Variants in HELZ observed in about 807,000 individuals in gnomAD.
HELZ encodes helicase with zinc finger.
Under a neutral mutation model 218.2 loss-of-function variants are expected in HELZ, and 23 were observed. The observed-to-expected ratio is 0.11, with a 90% CI of 0.08 to 0.15. The LOEUF is 0.15. HELZ is among the 10% of genes least tolerant of loss of function. The pLI is 1.00. For synonymous variants in HELZ, 814 were observed against 829.4 expected (o/e 0.98, Z 0.32); for missense variants, 1,813 against 2,353.7 (o/e 0.77, Z 4.75).
rs1484070384 is a variant in HELZ, at chr17:67,204,649, G to A, written c.248-1206C>T. Among the ~76,000 whole-genome samples the A allele has an allele frequency of 2.0e-5, 3 of 151,796 alleles. No homozygotes were observed. The East Asian group carries it at 5.8e-4, about 29-fold the overall frequency. On this transcript the variant is annotated intron_variant, in intron 5 of 32. Coordinates refer to ENST00000358691, the MANE Select transcript of HELZ (RefSeq NM_014877.4). ...AAAATCTTTACATATACCTTTTATT[G>A]AATTTACTAAATTGAAAGTTGCAGT...
At chr17:67,136,725 T>A (rs932908990) in intron 22 of HELZ, among the ~76,000 whole-genome samples, 1 of 152,158 alleles carries the variant, frequency 6.6e-6, no homozygotes, top group Non-Finnish European at 1.5e-5. Flanking sequence ...ATTCCATTTA[T>A]ATGAGGTAGC....
intron 3 of HELZ, among the ~76,000 whole-genome samples, chr17:67,239,186 G>A (rs552978006): frequency 1.3e-5 from 2 of 152,312 alleles, no homozygotes; most frequent in South Asian, 4.1e-4. Context: ...TTACTCATCT[G>A]AACAGAAGTG....
chr17:67,162,646 C>A (rs2039024083), intron 15 of HELZ, among the ~76,000 whole-genome samples: 1 of 152,062 alleles, frequency 6.6e-6, no homozygotes, highest in Non-Finnish European at 1.5e-5. Context: ...TTGCTACAGA[C>A]CCAATTCTGA....
Position 67,138,041 on chromosome 17 carries a change from CCAT to C in HELZ, c.2840_2842del (p.Asp947del). 6.2e-7 allele frequency: 1 copy of C among 1,613,800 alleles called. No individual in the cohort carries two copies. The highest frequency in any genetic ancestry group is 8.5e-7 in the Non-Finnish European group (1 of 1,179,822). Reference sequence around the variant, plus strand: ...ATATGGAGTCACCACACCAATACTGCCATCATCTAACTTCCCCCACGCTACTGG... The same window carrying C: ...ATATGGAGTCACCACACCAATACTGCCATCTAACTTCCCCCACGCTACTGG... On this transcript the variant is annotated inframe_deletion, in exon 22 of 33. Coordinates refer to ENST00000358691, the MANE Select transcript of HELZ (RefSeq NM_014877.4).
intron 27 of HELZ, among the ~76,000 whole-genome samples, chr17:67,115,110 T>C (rs572535921): frequency 6.6e-6 from 1 of 152,244 alleles, no homozygotes; most frequent in South Asian, 2.1e-4. Context: ...TGAATTATCA[T>C]GCCAGAATTA....
intron 13 of HELZ, among the ~76,000 whole-genome samples, chr17:67,178,376 C>T (rs1474608340): frequency 6.6e-6 from 1 of 152,124 alleles, no homozygotes; most frequent in African/African-American, 2.4e-5. Flanking sequence ...AGAGCAGGAA[C>T]CACGGATTTA....
At chr17:67,238,451 G>A (rs913090468) in intron 3 of HELZ, among the ~76,000 whole-genome samples, 3 of 151,778 alleles carry the variant, frequency 2.0e-5, no homozygotes, top group Admixed American at 6.6e-5. Flanking sequence ...GGAGGCCGAA[G>A]CGAGTGGATC....
chr17:67,170,496 A>G (rs543203812), intron 13 of HELZ, among the ~76,000 whole-genome samples: 1 of 152,278 alleles, frequency 6.6e-6, no homozygotes, highest in South Asian at 2.1e-4. Context: ...CCTGGGCAAC[A>G]GAGCGAGATT....
At chr17:67,164,769 G>A (rs779254538) in intron 15 of HELZ, among the ~76,000 whole-genome samples, 4 of 152,140 alleles carry the variant, frequency 2.6e-5, no homozygotes, top group Non-Finnish European at 5.9e-5. Flanking sequence ...AAATCTGAAA[G>A]GATACTGCTG....
chr17:67,088,706 ATCTGTT>A (rs1407689765), intron 31 of HELZ, among the ~76,000 whole-genome samples: 2 of 152,232 alleles, frequency 1.3e-5, no homozygotes, highest in African/African-American at 4.8e-5. Context: ...AATTTTATAG[ATCTGTT>A]TCTAAGCACA....
chr17:67,119,760 A>G, intron 27 of HELZ, among the ~76,000 whole-genome samples: 1 of 152,114 alleles, frequency 6.6e-6, no homozygotes, highest in East Asian at 1.9e-4. Flanking sequence ...GAGTTAACAA[A>G]AATGTTTAAC....
In HELZ at chr17:67,208,717, G is replaced by T. The variant is rs961056299; in HGVS notation, c.248-5274C>A. On this transcript the variant is annotated intron_variant, in intron 5 of 32. Coordinates refer to ENST00000358691, the MANE Select transcript of HELZ (RefSeq NM_014877.4). ...GGATTGCTTGAACCCAGTAGTTCAA[G>T]ACCAGCCTGGGCAACATGGCAAGAC... Among the ~76,000 whole-genome samples, 4 of 151,976 alleles carry T rather than the reference G, an allele frequency of 2.6e-5. No homozygotes were observed. In the East Asian group the frequency reaches 7.7e-4, roughly 29 times the overall value.
intron 32 of HELZ, among the ~76,000 whole-genome samples, chr17:67,082,165 C>T (rs906749476): frequency 1.2e-4 from 19 of 152,154 alleles, no homozygotes; most frequent in African/African-American, 4.6e-4. Context: ...CTGTTTTTAC[C>T]TGAGCTACTT....
chr17:67,158,635 T>TCAC (rs2038910212), intron 17 of HELZ, among the ~76,000 whole-genome samples: 2 of 152,348 alleles, frequency 1.3e-5, no homozygotes, highest in Middle Eastern at 3.4e-3. Context: ...TGCATTTGAA[T>TCAC]ATATTTATAA....
chr17:67,122,477 C>T (rs974044802), intron 26 of HELZ, among the ~76,000 whole-genome samples: 7 of 151,840 alleles, frequency 4.6e-5, no homozygotes, highest in Non-Finnish European at 8.8e-5. Context: ...ACCTGGGAGG[C>T]GGAGCTTGCA....
rs34752223 is a variant in HELZ, at chr17:67,089,696, G to GAGAGAGAGACAGAGAC, written c.5242-2616_5242-2615insGTCTCTGTCTCTCTCT. ...AGAGAGAGAGAGAGAGAGAGAGAGA[G>GAGAGAGAGACAGAGAC]AGAGACAGAGAGACAGAGAGAGAGA... On this transcript the variant is annotated intron_variant, in intron 31 of 32. Coordinates refer to ENST00000358691, the MANE Select transcript of HELZ (RefSeq NM_014877.4). 5.7e-5 allele frequency among the ~76,000 whole-genome samples: 7 copies of GAGAGAGAGACAGAGAC among 122,704 alleles called. No homozygotes were observed. The South Asian group carries it at 8.3e-4, about 14-fold the overall frequency. The allele number at this position is 122,704 out of a possible 152,430, so 80.5% of individuals were successfully genotyped here. A position where few individuals can be genotyped will look rare whatever the true frequency, so the allele number is the denominator to read the frequency against.
chr17:67,080,581 A>G (rs1326545385), intron 32 of HELZ, among the ~76,000 whole-genome samples: 1 of 152,180 alleles, frequency 6.6e-6, no homozygotes, highest in Non-Finnish European at 1.5e-5. Context: ...TCTCAATCCA[A>G]TAAATATTTA....
chr17:67,234,025 G>A (rs1235125804), intron 3 of HELZ, among the ~76,000 whole-genome samples: 3 of 135,942 alleles, frequency 2.2e-5, no homozygotes, highest in East Asian at 2.3e-4. Flanking sequence ...CAGCCTGGGC[G>A]ACAGACAGAC....
chr17:67,244,410 A>C (rs1257997048), intron 1 of HELZ, among the ~76,000 whole-genome samples: 1 of 152,240 alleles, frequency 6.6e-6, no homozygotes, highest in Admixed American at 6.5e-5. Flanking sequence ...GCGAGGGTGC[A>C]GAAGGCTCCA....
Sources: gnomAD v4.1 joint callset for allele counts (sites outside exome capture counted in the v4.1 genomes callset) on GRCh38, gnomAD v4.1.1 for gene constraint, MANE v1.5 for transcripts, NCBI Gene and HGNC (gene_info 2026-07-23, HGNC 2026-07-21) for gene names.